The following WDFY4 variants were observed in gnomAD, a reference collection of about 807,000 sequenced individuals.
WDFY4 encodes WD repeat- and FYVE domain-containing protein 4.
WDFY4 carries 169 observed loss-of-function variants against 351.9 expected under a neutral mutation model. The observed-to-expected ratio is 0.48, with a 90% confidence interval of 0.42 to 0.55. The LOEUF (loss-of-function observed/expected upper bound fraction) is 0.55, where lower values mean the gene tolerates loss of function less well. Ranked by LOEUF, WDFY4 falls within the 20% of genes least tolerant of loss-of-function variation. WDFY4 has a pLI of 0.00. For synonymous variants in WDFY4, 1,622 were observed against 1,574.6 expected (o/e 1.03, Z -0.71); for missense variants, 3,803 against 3,935.6 (o/e 0.97, Z 0.90).
intron 1 of WDFY4, among the ~76,000 whole-genome samples, chr10:48,702,676 G>A (rs907281282): frequency 1.3e-5 from 2 of 152,202 alleles, no homozygotes; most frequent in African/African-American, 4.8e-5. Context: ...GGTTTTGGCA[G>A]TGATGAACAG....
intron 2 of WDFY4, among the ~76,000 whole-genome samples, chr10:48,713,131 G>A (rs2063810086): frequency 6.6e-6 from 1 of 152,152 alleles, no homozygotes. Context: ...TTGTCTGACT[G>A]ACCCCCAGCC....
chr10:48,827,582 G>C (rs61838885), intron 36 of WDFY4, among the ~76,000 whole-genome samples: 29,050 of 148,774 alleles, frequency 0.2, 3,901 homozygotes, highest in African/African-American at 0.38. Flanking sequence ...CATCCTGCTG[G>C]CTGTGAGTAT....
chr10:48,822,865 A>G (rs1374749213), intron 35 of WDFY4, among the ~76,000 whole-genome samples: 2 of 152,280 alleles, frequency 1.3e-5, no homozygotes, highest in African/African-American at 4.8e-5. Flanking sequence ...AATTGTTATT[A>G]TACCTCCTCA....
chr10:48,808,329 C>T (rs1157527704), intron 28 of WDFY4, among the ~76,000 whole-genome samples: 2 of 152,154 alleles, frequency 1.3e-5, no homozygotes, highest in African/African-American at 4.8e-5. Context: ...TAACATCTAT[C>T]AAGGAAAAGT....
chr10:48,818,828 T>G (rs777627303), intron 32 of WDFY4, among the ~76,000 whole-genome samples: 14 of 151,334 alleles, frequency 9.3e-5, no homozygotes, highest in Non-Finnish European at 5.9e-5. Flanking sequence ...CAAACAAGAG[T>G]GAAGGAATGC....
At chr10:48,911,024 G>A (rs965638832) in intron 47 of WDFY4, 3 of 419,810 alleles carry the variant, frequency 7.1e-6, no homozygotes, top group African/African-American at 2.2e-5. Flanking sequence ...GTAGCTATCC[G>A]GCACTGTCTG....
At position 48,817,276 on chromosome 10, in the gene WDFY4, C is replaced by T. The variant is rs1371251102; in HGVS notation, c.5372C>T (p.Ala1791Val). Residue 1791 changes from alanine to valine, a missense_variant, in exon 32 of 62, where the codon GCA becomes GTA. Transcript: ENST00000325239. Reference sequence around the variant, plus strand: ...GCAGGTTCTGAGGATGGTGCCTGGGCACAGACCTTCCCGGCCAGCGTGCTG... The same window carrying T: ...GCAGGTTCTGAGGATGGTGCCTGGGTACAGACCTTCCCGGCCAGCGTGCTG... ...PLAGSEDGAW[A>V]QTFPASVLQF... 1 of 1,551,720 alleles carries T rather than the reference C, an allele frequency of 6.4e-7. No individual in the cohort carries two copies. Among genetic ancestry groups the T allele is most frequent in the East Asian group, 2.4e-5 (1 of 40,916 alleles).
At chr10:48,691,707 A>G (rs1000140397) in intron 1 of WDFY4, among the ~76,000 whole-genome samples, 1 of 152,262 alleles carries the variant, frequency 6.6e-6, no homozygotes, top group Non-Finnish European at 1.5e-5. Flanking sequence ...ATTTCTCAGT[A>G]GCGCTCTAAT....
intron 43 of WDFY4, among the ~76,000 whole-genome samples, chr10:48,883,437 A>C (rs17011351): frequency 4.6e-5 from 7 of 152,088 alleles, no homozygotes; most frequent in Non-Finnish European, 1.0e-4. Context: ...AGGCTGGTAC[A>C]ATTAGCCTAT....
intron 39 of WDFY4, among the ~76,000 whole-genome samples, chr10:48,861,851 T>A (rs1169172600): frequency 6.6e-6 from 1 of 152,154 alleles, no homozygotes. Flanking sequence ...TTTGTTATAG[T>A]CCTATAGGTA....
intron 61 of WDFY4, among the ~76,000 whole-genome samples, chr10:48,982,205 C>T (rs150473692): frequency 6.6e-6 from 1 of 152,356 alleles, no homozygotes; most frequent in Non-Finnish European, 1.5e-5. Context: ...GGCTATTTCT[C>T]TGGTGGGACA....
rs1398910972 is a variant in WDFY4, at chr10:48,875,967, C to T, written c.7000+827C>T. 2.6e-5 allele frequency among the ~76,000 whole-genome samples: 4 copies of T among 152,226 alleles called. No homozygotes were observed. In the South Asian group the frequency reaches 8.3e-4, roughly 32 times the overall value. On this transcript the variant is annotated intron_variant, in intron 42 of 61. Transcript: ENST00000325239. ...AATGATTGCCTGCCTGCTCCAGCTC[C>T]AGAGGTGGGAGTTGCAGAGAGTGCA... is the stretch of plus-strand genomic sequence containing the variant.
At chr10:48,872,808 G>A (rs1240343109) in intron 40 of WDFY4, among the ~76,000 whole-genome samples, 1 of 152,198 alleles carries the variant, frequency 6.6e-6, no homozygotes, top group African/African-American at 2.4e-5. Context: ...GGATCTTATA[G>A]CTATTAAATG....
chr10:48,844,314 G>A (rs906445226), intron 39 of WDFY4, among the ~76,000 whole-genome samples: 1 of 152,024 alleles, frequency 6.6e-6, no homozygotes, highest in Admixed American at 6.6e-5. Flanking sequence ...AGTCCAGGCC[G>A]GGTGCAGTGG....
chr10:48,805,645 C>T (rs1344600241), intron 26 of WDFY4, among the ~76,000 whole-genome samples: 1 of 152,228 alleles, frequency 6.6e-6, no homozygotes, highest in Non-Finnish European at 1.5e-5. Flanking sequence ...TCCCACTGCT[C>T]AGGCTCCCCC....
At chr10:48,898,853 G>A (rs1189604780) in intron 45 of WDFY4, among the ~76,000 whole-genome samples, 1 of 150,900 alleles carries the variant, frequency 6.6e-6, no homozygotes, top group Non-Finnish European at 1.5e-5. Context: ...CTGGTTCTGG[G>A]CCAATCTCCA....
chr10:48,893,190 T>A (rs1305569737), intron 44 of WDFY4, among the ~76,000 whole-genome samples: 1 of 152,226 alleles, frequency 6.6e-6, no homozygotes, highest in Non-Finnish European at 1.5e-5. Context: ...TGTCCCTGTA[T>A]CTTCACATCA....
At chr10:48,735,304 T>C (rs1432866057) in intron 10 of WDFY4, among the ~76,000 whole-genome samples, 2 of 152,226 alleles carry the variant, frequency 1.3e-5, no homozygotes, top group African/African-American at 2.4e-5. Flanking sequence ...ACCTGTCAGG[T>C]TTCTTTAATT....
chr10:48,822,198 A>G (rs1221284605), intron 34 of WDFY4, among the ~76,000 whole-genome samples, 182 bp from the exon 35 acceptor site: 1 of 152,120 alleles, frequency 6.6e-6, no homozygotes, highest in African/African-American at 2.4e-5. Flanking sequence ...ATTACTCAAG[A>G]TCTGTTCATT....
Sources: gnomAD v4.1 joint callset for allele counts (sites outside exome capture counted in the v4.1 genomes callset) on GRCh38, gnomAD v4.1.1 for gene constraint, MANE v1.5 for transcripts, NCBI Gene and HGNC (gene_info 2026-07-23, HGNC 2026-07-21) for gene names.